HABP2: variants seen among roughly 807,000 people sequenced by gnomAD.
HABP2 encodes the protein factor VII-activating protease.
A neutral mutation model predicts 66.5 loss-of-function variants in HABP2; 65 were observed. That is an observed-to-expected ratio of 0.98 (90% CI 0.80 to 1.20). The LOEUF (loss-of-function observed/expected upper bound fraction) is 1.20. Among genes scored for constraint, HABP2 ranks in the 50% most tolerant of loss-of-function variants. The pLI is 0.00. For missense variants in HABP2, 786 were observed against 691.0 expected, an observed-to-expected ratio of 1.14 and a Z score of -1.54; for synonymous variants, 263 against 253.9, an observed-to-expected ratio of 1.04 and a Z score of -0.34.
Position 113,588,447 on chromosome 10 carries a change from C to A in HABP2, c.*78C>A. 1 of 1,037,570 alleles carries A rather than the reference C, an allele frequency of 9.6e-7. No individual in the cohort carries two copies. Among genetic ancestry groups the A allele is most frequent in the Non-Finnish European group, 1.4e-6 (1 of 706,382 alleles). 64.3% of individuals were successfully genotyped at this position (1,037,570 alleles called of 1,614,324 possible). ...GAGGCCTCATGGCCAACAATGGACA[C>A]CTCCAGAGCCTCCAGGGGACCACAC... On this transcript the variant is annotated 3_prime_UTR_variant, in exon 13 of 13. Coordinates refer to ENST00000351270, the MANE Select transcript of HABP2 (RefSeq NM_004132.5).
chr10:113,555,970 A>C (rs1441072332), intron 1 of HABP2, among the ~76,000 whole-genome samples: 2 of 152,214 alleles, frequency 1.3e-5, no homozygotes, highest in African/African-American at 4.8e-5. Context: ...CTCCAAGCCC[A>C]GAAACCAGAG....
At chr10:113,556,875 C>T (rs1360019402) in intron 1 of HABP2, among the ~76,000 whole-genome samples, 2 of 140,930 alleles carry the variant, frequency 1.4e-5, no homozygotes, top group Non-Finnish European at 3.0e-5. Flanking sequence ...GAACTCCTGA[C>T]CTTAAGTGAT....
At position 113,578,146 on chromosome 10, in the gene HABP2, G is replaced by A. The variant is rs199906097; in HGVS notation, c.568+1G>A. The A allele has an allele frequency of 1.9e-5, 31 of 1,613,964 alleles. 1 individual carries two copies. Among genetic ancestry groups the A allele is most frequent in the Non-Finnish European group, 2.3e-5 (27 of 1,179,976 alleles). On this transcript the variant is annotated splice_donor_variant, in intron 6 of 12. Transcript: ENST00000351270. LOFTEE classifies it high-confidence loss of function. ...TTCAAGGGGAAATTCTGTGAAATAGGTATGGGTCTCTGCCACCATCAGGGC... is the reference window on the plus strand; with the variant it reads ...TTCAAGGGGAAATTCTGTGAAATAGATATGGGTCTCTGCCACCATCAGGGC...
chr10:113,580,229 C>T (rs1845498173), intron 7 of HABP2, among the ~76,000 whole-genome samples: 2 of 152,120 alleles, frequency 1.3e-5, no homozygotes, highest in Admixed American at 1.3e-4. Context: ...GAATTCAAAG[C>T]CTCAGGCAGA....
rs1225803274 is a variant in HABP2, at chr10:113,553,155, C to T, written c.34C>T (p.Leu12=). The change falls in exon 1 of 13, where the codon CTG becomes TTG. Residue 12 remains leucine, a synonymous_variant. Transcript: ENST00000351270. ...FARMSDLHVL[L]LMALVGKTAC... is the part of the protein sequence containing the mutation. ...CAGGATGTCTGATCTCCATGTTCTG[C>T]TGTTAATGGCTCTGGTGGGAAAGAC... The T allele has an allele frequency of 5.6e-6, 9 of 1,613,388 alleles. No homozygotes were observed. Among genetic ancestry groups the T allele is most frequent in the Non-Finnish European group, 7.6e-6 (9 of 1,179,332 alleles).
At chr10:113,588,105 A>T in intron 12 of HABP2, 100 bp from the exon 13 acceptor site, 1 of 940,492 alleles carries the variant, frequency 1.1e-6, no homozygotes, top group Non-Finnish European at 1.6e-6. Flanking sequence ...CTGGCAAGGG[A>T]CTCCACCCCA....
intron 1 of HABP2, among the ~76,000 whole-genome samples, chr10:113,554,771 G>A (rs1211832010): frequency 1.3e-5 from 2 of 152,188 alleles, no homozygotes; most frequent in South Asian, 2.1e-4. Context: ...TAATGGTCCC[G>A]AAAAATCCCT....
In HABP2 at chr10:113,588,937, T is replaced by C. The variant is rs373760059; in HGVS notation, c.*568T>C. On this transcript the variant is annotated 3_prime_UTR_variant, in exon 13 of 13. Transcript: ENST00000351270. ...TGAAGCCTGTCTCTGGTGAACAAAC[T>C]TCCTCTCTGGCCTCTCAGGAATCAG... 6.5e-7 allele frequency: 1 copy of C among 1,544,220 alleles called. No individual in the cohort carries two copies. The highest frequency in any genetic ancestry group is 8.9e-7 in the Non-Finnish European group (1 of 1,118,604).
At chr10:113,565,124 G>A (rs1010784114) in intron 1 of HABP2, among the ~76,000 whole-genome samples, 4 of 152,302 alleles carry the variant, frequency 2.6e-5, no homozygotes, top group Admixed American at 1.3e-4. Flanking sequence ...GATTACAGGC[G>A]TGAGCCACCA....
At position 113,588,290 on chromosome 10, in the gene HABP2, A is replaced by C; in HGVS notation, c.1604A>C (p.Lys535Thr). ...GTGAGCTGGGGCCTGGAGTGTGGGAAGAGGCCAGGGGTCTACACCCAAGTT... is the reference window on the plus strand; with the variant it reads ...GTGAGCTGGGGCCTGGAGTGTGGGACGAGGCCAGGGGTCTACACCCAAGTT... ...GIVSWGLECG[K>T]RPGVYTQVTK... The change falls in exon 13 of 13, where the codon AAG becomes ACG. Residue 535 changes from lysine (K) to threonine (T), a missense_variant. By Grantham distance (78) the Lys-to-Thr change is moderately conservative. Transcript: ENST00000351270. 6.2e-7 allele frequency: 1 copy of C among 1,613,568 alleles called. No individual in the cohort carries two copies. Among genetic ancestry groups the C allele is most frequent in the African/African-American group, 1.3e-5 (1 of 74,996 alleles).
Position 113,575,903 on chromosome 10 carries a change from G to T in HABP2, c.230G>T (p.Cys77Phe). Residue 77 changes from cysteine to phenylalanine, a missense_variant, in exon 4 of 13, where the codon TGC (cysteine) becomes TTC (phenylalanine). Coordinates refer to ENST00000351270, the MANE Select transcript of HABP2 (RefSeq NM_004132.5). ...WYYTEDQADP[C>F]QPNPCEHGGD... ...TTCTTCCTGTGTGTCTTAGATCCATGCCAGCCCAACCCCTGTGAACACGGT... is the reference window on the plus strand; with the variant it reads ...TTCTTCCTGTGTGTCTTAGATCCATTCCAGCCCAACCCCTGTGAACACGGT... 1.3e-6 allele frequency: 2 copies of T among 1,599,466 alleles called. No homozygotes were observed. The highest frequency in any genetic ancestry group is 1.7e-6 in the Non-Finnish European group (2 of 1,167,082).
intron 1 of HABP2, among the ~76,000 whole-genome samples, chr10:113,556,627 G>A (rs999593264): frequency 1.3e-5 from 2 of 151,616 alleles, no homozygotes; most frequent in African/African-American, 2.4e-5. Flanking sequence ...AGGCAGAAGC[G>A]TCACTTGAAC....
intron 1 of HABP2, among the ~76,000 whole-genome samples, chr10:113,564,834 C>A (rs1237621718): frequency 8.2e-6 from 1 of 121,314 alleles, no homozygotes; most frequent in African/African-American, 3.5e-5. Flanking sequence ...CACTCTACCT[C>A]ACCACGCATC....
At position 113,588,340 on chromosome 10, in the gene HABP2, GCCA is replaced by G. The variant is rs769250783; in HGVS notation, c.1658_1660del (p.Thr553del). The stretch of plus-strand genomic sequence containing the variant: ...TACCAAATTCCTGAATTGGATCAAA[GCCA>G]CCATCAAAAGTGAAAGTGGCTTCTA... On this transcript the variant is annotated inframe_deletion, in exon 13 of 13. Transcript: ENST00000351270. 12 of 1,613,522 alleles carry G rather than the reference GCCA, an allele frequency of 7.4e-6. No individual in the cohort carries two copies. The South Asian group carries it at 1.2e-4, about 16-fold the overall frequency.
At chr10:113,561,494 C>G (rs1438604580) in intron 1 of HABP2, among the ~76,000 whole-genome samples, 1 of 152,188 alleles carries the variant, frequency 6.6e-6, no homozygotes, top group Non-Finnish European at 1.5e-5. Context: ...GAGGTCTCTC[C>G]TCCCCAGCTG....
At chr10:113,578,174 C>G (rs368377443) in intron 6 of HABP2, 29 bp downstream of exon 6, 11 of 1,611,358 alleles carry the variant, frequency 6.8e-6, no homozygotes, top group Admixed American at 1.7e-5. Context: ...ATCAGGGCCA[C>G]AAGTGAGGCC....
Position 113,582,029 on chromosome 10 carries a change from T to C in HABP2, c.992T>C (p.Leu331Pro), listed in dbSNP as rs754664748. ...GGCAAGCACCCATGGCAGGCGTCCC[T>C]CCAGTCCTCGCTGCCTCTGACCATC... ...TAGKHPWQAS[L>P]QSSLPLTISM... The change falls in exon 9 of 13, where the codon CTC (leucine) becomes CCC (proline). Residue 331 changes from leucine to proline, a missense_variant. Transcript: ENST00000351270. 5 of 1,613,968 alleles carry C rather than the reference T, an allele frequency of 3.1e-6. No individual in the cohort carries two copies. In the East Asian group the frequency reaches 6.7e-5, roughly 22 times the overall value.
chr10:113,578,609 C>T lies in HABP2; in HGVS notation c.569-18C>T, dbSNP rs757578844. 1.5e-5 allele frequency: 24 copies of T among 1,596,468 alleles called. 1 individual carries two copies. The South Asian group carries it at 2.7e-4, about 18-fold the overall frequency. On this transcript the variant is annotated intron_variant, in intron 6 of 12. Transcript: ENST00000351270. ...CCAATGGCTGTTGGTTCTCACATTG[C>T]TACCTGCTCTCTCGGAGGTTCTGAT...
intron 4 of HABP2, 43 bp downstream of exon 4, chr10:113,576,047 CAA>C: frequency 9.7e-7 from 1 of 1,030,156 alleles, no homozygotes. Context: ...CTGAGTTAAA[CAA>C]GAGGCAGTCC....
Sources: allele counts gnomAD v4.1 joint callset (sites outside exome capture counted in the v4.1 genomes callset), GRCh38; gene constraint gnomAD v4.1.1; transcripts MANE v1.5; gene names NCBI Gene and HGNC (gene_info 2026-07-23, HGNC 2026-07-21).